The following KIR2DL1 variants were observed in gnomAD, a reference collection of about 807,000 sequenced individuals.
KIR2DL1 encodes the protein killer cell immunoglobulin like receptor, two Ig domains and long cytoplasmic tail 1.
A neutral mutation model predicts 33.9 loss-of-function variants in KIR2DL1; 38 were observed. The observed-to-expected ratio is 1.12, with a 90% confidence interval of 0.86 to 1.47. The LOEUF is 1.47. Ranked by LOEUF, KIR2DL1 falls within the 40% of genes most tolerant of loss-of-function variation. KIR2DL1 has a pLI of 0.00. For synonymous variants in KIR2DL1, 179 were observed against 165.9 expected (o/e 1.08, Z -0.61); for missense variants, 531 against 433.9 (o/e 1.22, Z -1.99).
intron 5 of KIR2DL1, among the ~76,000 whole-genome samples, chr19:54,779,846 T>G (rs1411746822): frequency 1.6e-5 from 2 of 129,016 alleles, no homozygotes; most frequent in Non-Finnish European, 3.4e-5. Context: ...CACAAGTGGA[T>G]CTATAAATGA....
intron 5 of KIR2DL1, among the ~76,000 whole-genome samples, chr19:54,782,563 T>C (rs1335798030): frequency 5.3e-5 from 8 of 151,904 alleles, no homozygotes; most frequent in South Asian, 4.1e-4. Context: ...CGGGAACTAA[T>C]AGAGGGGGAA....
intron 5 of KIR2DL1, among the ~76,000 whole-genome samples, chr19:54,779,246 A>G (rs1254357602): frequency 1.3e-5 from 2 of 148,402 alleles, no homozygotes; most frequent in Non-Finnish European, 3.0e-5. Context: ...GGTGAAAACA[A>G]AACGGTTTTT....
At position 54,773,465 on chromosome 19, in the gene KIR2DL1, A is replaced by T; in HGVS notation, c.203A>T (p.Asp68Val). The change falls in exon 3 of 8, where the codon GAC (aspartate) becomes GTC (valine). Residue 68 changes from aspartate to valine, a missense_variant. Coordinates refer to ENST00000336077, the MANE Select transcript of KIR2DL1 (RefSeq NM_014218.3). ...FLLHREGMFNDTLRLIGEHHD... is the reference protein window; with the variant it reads ...FLLHREGMFNVTLRLIGEHHD... ...CTGCACAGAGAGGGGATGTTTAACG[A>T]CACTTTGCGCCTCATTGGAGAACAC... 1 of 1,587,360 alleles carries T rather than the reference A, an allele frequency of 6.3e-7. No individual in the cohort carries two copies. Among genetic ancestry groups the T allele is most frequent in the Non-Finnish European group, 8.6e-7 (1 of 1,159,000 alleles).
At chr19:54,775,630 C>A (rs1349697617) in intron 4 of KIR2DL1, among the ~76,000 whole-genome samples, 172 bp downstream of exon 4, 1 of 148,726 alleles carries the variant, frequency 6.7e-6, no homozygotes, top group Non-Finnish European at 1.5e-5. Flanking sequence ...AACCCTCCTA[C>A]ATGGCCTGCA....
chr19:54,770,890 T>C lies in KIR2DL1; in HGVS notation c.70+6T>C. ...GGGGGCCTGGCCACATGAGGGTGAG[T>C]CCTTCTCCCAACCTTCGGGTGTCAT... On this transcript the variant is annotated splice_donor_region_variant and intron_variant, in intron 2 of 7. Coordinates refer to ENST00000336077, the MANE Select transcript of KIR2DL1 (RefSeq NM_014218.3). 1 of 1,583,248 alleles carries C rather than the reference T, an allele frequency of 6.3e-7. No homozygotes were observed.
intron 4 of KIR2DL1, among the ~76,000 whole-genome samples, chr19:54,777,500 C>A (rs1229016296): frequency 6.7e-6 from 1 of 148,448 alleles, no homozygotes; most frequent in African/African-American, 2.5e-5. Context: ...AATTTCATGT[C>A]TTTTGCTCCT....
intron 6 of KIR2DL1, 68 bp from the exon 7 acceptor site, chr19:54,783,418 T>C (rs2077271576): frequency 3.8e-6 from 6 of 1,558,856 alleles, no homozygotes; most frequent in Non-Finnish European, 4.4e-6. Flanking sequence ...TGTATGTTGG[T>C]ATCTGCTTAT....
At position 54,784,019 on chromosome 19, in the gene KIR2DL1, A is replaced by G; in HGVS notation, c.*206A>G. The G allele has an allele frequency of 3.6e-6, 3 of 826,596 alleles. No individual in the cohort carries two copies. The highest frequency in any genetic ancestry group is 3.2e-5 in the South Asian group (2 of 61,758). 51.2% of individuals were successfully genotyped at this position (826,596 alleles called of 1,614,324 possible). A position where few individuals can be genotyped will look rare whatever the true frequency, so the allele number is the denominator to read the frequency against. On this transcript the variant is annotated 3_prime_UTR_variant, in exon 8 of 8. Transcript: ENST00000336077. ...GGTCCCCACTGCCTGCTGGAGAAAA[A>G]ACACACTCCTTTGCTTAACCCACAG...
At chr19:54,771,011 A>G in intron 2 of KIR2DL1, 127 bp downstream of exon 2, 1 of 1,369,528 alleles carries the variant, frequency 7.3e-7, no homozygotes, top group Non-Finnish European at 1.0e-6. Context: ...TGCTGGGCCC[A>G]CATTTCTGAC....
Position 54,776,466 on chromosome 19 carries a change from C to G in KIR2DL1, c.664+1008C>G, listed in dbSNP as rs1210294187. 1.2e-4 allele frequency among the ~76,000 whole-genome samples: 18 copies of G among 146,348 alleles called. 1 individual carries two copies. Among genetic ancestry groups the G allele is most frequent in the Non-Finnish European group, 2.3e-4 (15 of 65,708 alleles). On this transcript the variant is annotated intron_variant, in intron 4 of 7. Transcript: ENST00000336077. ...CTCCACTGTGCGTATGTACTACATT[C>G]TCTCTATCCATTCACCCACTGATGG...
At chr19:54,782,870 T>A in intron 5 of KIR2DL1, 52 bp from the exon 6 acceptor site, 1 of 1,580,362 alleles carries the variant, frequency 6.3e-7, no homozygotes, top group African/African-American at 1.3e-5. Context: ...AGACAATTCA[T>A]AAAGAGGAAC....
intron 2 of KIR2DL1, 96 bp downstream of exon 2, chr19:54,770,980 T>G: frequency 6.7e-7 from 1 of 1,502,474 alleles, no homozygotes; most frequent in East Asian, 2.3e-5. Context: ...TCTCATAAAC[T>G]AGGAAGAAGG....
chr19:54,784,062 C>G lies in KIR2DL1; in HGVS notation c.*249C>G, dbSNP rs2077401126. 1.6e-6 allele frequency: 1 copy of G among 625,414 alleles called. No individual in the cohort carries two copies. Among genetic ancestry groups the G allele is most frequent in the Non-Finnish European group, 2.8e-6 (1 of 361,464 alleles). 38.7% of individuals were successfully genotyped at this position (625,414 alleles called of 1,614,324 possible). ...ACCCACAGTTCTCCATTTCACTTGA[C>G]CCCTGCCCACCTCTCCAACCTAACT... On this transcript the variant is annotated 3_prime_UTR_variant, in exon 8 of 8. Coordinates refer to ENST00000336077, the MANE Select transcript of KIR2DL1 (RefSeq NM_014218.3).
intron 2 of KIR2DL1, among the ~76,000 whole-genome samples, chr19:54,772,754 A>G (rs1401827656): frequency 2.1e-5 from 3 of 144,120 alleles, no homozygotes; most frequent in African/African-American, 7.6e-5. Flanking sequence ...AAGGTTGGCT[A>G]CACTGAGATC....
intron 5 of KIR2DL1, among the ~76,000 whole-genome samples, chr19:54,781,894 C>A (rs995030600): frequency 2.0e-5 from 3 of 151,940 alleles, no homozygotes; most frequent in African/African-American, 7.2e-5. Context: ...AATCCCAGTC[C>A]AGTCTTCCCA....
At chr19:54,775,935 A>G (rs998193128) in intron 4 of KIR2DL1, among the ~76,000 whole-genome samples, 2 of 146,114 alleles carry the variant, frequency 1.4e-5, no homozygotes, top group Non-Finnish European at 3.1e-5. Flanking sequence ...TCTGTCCCCT[A>G]TGATGGAGTG....
At chr19:54,778,332 C>A (rs1346357108) in intron 4 of KIR2DL1, among the ~76,000 whole-genome samples, 3 of 149,412 alleles carry the variant, frequency 2.0e-5, no homozygotes, top group African/African-American at 7.3e-5. Flanking sequence ...CTCCGTTGTT[C>A]TATGTGCCTT....
intron 2 of KIR2DL1, among the ~76,000 whole-genome samples, chr19:54,772,463 T>C (rs1331445319): frequency 6.9e-6 from 1 of 145,496 alleles, no homozygotes; most frequent in Non-Finnish European, 1.5e-5. Flanking sequence ...GTGTGCTCTC[T>C]CCTGGTGCCA....
intron 5 of KIR2DL1, among the ~76,000 whole-genome samples, chr19:54,779,088 C>A (rs1300230718): frequency 3.6e-3 from 524 of 146,352 alleles, no homozygotes; most frequent in African/African-American, 0.013. Flanking sequence ...GCTGACTCCG[C>A]AGAGAAAGAG....
Sources: gnomAD v4.1 joint callset for allele counts (sites outside exome capture counted in the v4.1 genomes callset) on GRCh38, gnomAD v4.1.1 for gene constraint, MANE v1.5 for transcripts, NCBI Gene and HGNC (gene_info 2026-07-23, HGNC 2026-07-21) for gene names.